LIPJ: variants seen among roughly 807,000 people sequenced by gnomAD.
LIPJ encodes lipase family member J, also known as lipase member J.
Under a neutral mutation model 39.8 loss-of-function variants are expected in LIPJ, and 33 were observed. The observed-to-expected ratio is 0.83, with a 90% CI of 0.63 to 1.11. The LOEUF is 1.11. Among genes scored for constraint, LIPJ ranks in the 50% least tolerant of loss-of-function variants. LIPJ has a pLI of 0.00. For missense variants in LIPJ, 422 were observed against 427.9 expected, an observed-to-expected ratio of 0.99 and a Z score of 0.12; for synonymous variants, 128 against 139.2, an observed-to-expected ratio of 0.92 and a Z score of 0.57.
the LIPJ span, among the ~76,000 whole-genome samples, chr10:88,621,147 C>T: frequency 2.6e-5 from 4 of 152,098 alleles, no homozygotes; most frequent in African/African-American, 4.8e-5. Flanking sequence ...CCATATGATG[C>T]AACAATCATA....
chr10:88,620,723 G>C, the LIPJ span, among the ~76,000 whole-genome samples: 2 of 152,134 alleles, frequency 1.3e-5, no homozygotes, highest in Non-Finnish European at 2.9e-5. Context: ...AAGTTCTTTG[G>C]ATAACTGTTG....
intron 10 of LIPJ, among the ~76,000 whole-genome samples, chr10:88,606,381 A>G (rs752425492): frequency 3.9e-5 from 6 of 152,180 alleles, no homozygotes; most frequent in Admixed American, 6.5e-5. Context: ...AATTTGATTT[A>G]AAATCTTTCA....
At chr10:88,595,716 A>G (rs11202782) in intron 6 of LIPJ, among the ~76,000 whole-genome samples, 39,043 of 151,366 alleles carry the variant, frequency 0.26, 5,139 homozygotes, top group Admixed American at 0.29. Flanking sequence ...AATAAATAAT[A>G]AATAAATAAT....
downstream of LIPJ, among the ~76,000 whole-genome samples, chr10:88,610,494 A>T (rs990548672): frequency 6.6e-6 from 1 of 152,198 alleles, no homozygotes; most frequent in African/African-American, 2.4e-5. Flanking sequence ...TCAAATATTC[A>T]TAGCAATTCT....
downstream of LIPJ, among the ~76,000 whole-genome samples, chr10:88,611,068 G>T (rs1851745340): frequency 6.6e-6 from 1 of 152,156 alleles, no homozygotes; most frequent in Non-Finnish European, 1.5e-5. Flanking sequence ...TGCAAGACCT[G>T]AAGATGGATC....
At chr10:88,611,245 G>A (rs1055671240), downstream of LIPJ, among the ~76,000 whole-genome samples, 1 of 152,130 alleles carries the variant, frequency 6.6e-6, no homozygotes, top group Non-Finnish European at 1.5e-5. Flanking sequence ...GCACCCCATG[G>A]GACAAAGTAA....
At chr10:88,590,260 C>T (rs1006071271) in intron 2 of LIPJ, among the ~76,000 whole-genome samples, 2 of 151,704 alleles carry the variant, frequency 1.3e-5, no homozygotes. Context: ...CATTAATTCA[C>T]ACATCAATTA....
chr10:88,602,238 T>C (rs1476870306), intron 8 of LIPJ, among the ~76,000 whole-genome samples: 1 of 152,182 alleles, frequency 6.6e-6, no homozygotes, highest in Non-Finnish European at 1.5e-5. Flanking sequence ...TCAATTTATT[T>C]TTGTAATTTA....
chr10:88,591,472 G>T, exon 4 of LIPJ: 1 of 1,600,828 alleles, frequency 6.2e-7, no homozygotes, highest in African/African-American at 1.3e-5. Flanking sequence ...ATTCCTTATT[G>T]GAGGACAGAC....
the LIPJ span, among the ~76,000 whole-genome samples, chr10:88,614,141 T>G: frequency 6.6e-6 from 1 of 151,866 alleles, no homozygotes; most frequent in African/African-American, 2.4e-5. Flanking sequence ...AATTGGTTAT[T>G]TGATGATATT....
intron 4 of LIPJ, chr10:88,592,449 T>C (rs1851112382): frequency 6.6e-6 from 1 of 151,824 alleles, no homozygotes; most frequent in African/African-American, 2.4e-5. Flanking sequence ...ATGTGACTGA[T>C]TGATGAAATA....
Position 88,601,892 on chromosome 10 carries a change from A to T in LIPJ, c.724-684A>T, listed in dbSNP as rs113377148. 2.1e-3 allele frequency among the ~76,000 whole-genome samples: 325 copies of T among 152,262 alleles called. 1 individual carries two copies. Among genetic ancestry groups the T allele is most frequent in the African/African-American group, 7.3e-3 (304 of 41,558 alleles). ...GGCCTTTTCTTCTTGTGGAAATAAA[A>T]CTTGCTTGCTTTTTCAAGGCACCTG... On this transcript the variant is annotated intron_variant, in intron 8 of 10. Coordinates refer to ENST00000371939, the Ensembl canonical transcript of LIPJ.
the LIPJ span, among the ~76,000 whole-genome samples, chr10:88,616,701 T>C: frequency 6.6e-6 from 1 of 152,096 alleles, no homozygotes; most frequent in African/African-American, 2.4e-5. Context: ...TGGATGGGTA[T>C]CCCGCAACCC....
At chr10:88,613,606 C>T in the LIPJ span, among the ~76,000 whole-genome samples, 2 of 151,162 alleles carry the variant, frequency 1.3e-5, no homozygotes, top group Non-Finnish European at 3.0e-5. Flanking sequence ...CTCTAAGATT[C>T]CATTTATATG....
intron 4 of LIPJ, chr10:88,592,559 CAGA>C (rs1410723739): frequency 1.3e-5 from 2 of 151,706 alleles, no homozygotes; most frequent in African/African-American, 4.8e-5. Context: ...AAGATGATCT[CAGA>C]GGAGTTCAAG....
chr10:88,618,870 T>C, the LIPJ span: 2,858 of 155,504 alleles, frequency 0.018, 66 homozygotes, highest in South Asian at 0.084. Flanking sequence ...TGAAATTCTT[T>C]TGCTCTTTCT....
At chr10:88,583,732 T>G (rs1040957840), upstream of LIPJ, 1 of 985,616 alleles carries the variant, frequency 1.0e-6, no homozygotes, top group African/African-American at 1.7e-5. Flanking sequence ...ACATTTTTCT[T>G]AGACCTGGGA....
At position 88,596,268 on chromosome 10, in the gene LIPJ, A is replaced by G. The variant is rs1250855399; in HGVS notation, c.440-12A>G. ...AGAATAGCTTACTAATTTATATCTT[A>G]TTTTATTTTAGGTTTCATAACATTT... On this transcript the variant is annotated splice_polypyrimidine_tract_variant and intron_variant, in intron 6 of 10. Coordinates refer to ENST00000371939, the Ensembl canonical transcript of LIPJ. 2.4e-6 allele frequency: 3 copies of G among 1,227,352 alleles called. No individual in the cohort carries two copies. In the East Asian group the frequency reaches 8.5e-5, roughly 35 times the overall value. The allele number at this position is 1,227,352 out of a possible 1,614,324, so 76.0% of individuals were successfully genotyped here.
chr10:88,591,804 A>G (rs17109590), intron 4 of LIPJ: 3,157 of 173,492 alleles, frequency 0.018, 76 homozygotes, highest in South Asian at 0.078. Flanking sequence ...GCTCTGAAAC[A>G]CAATAACATT....
Sources: gnomAD v4.1 joint callset for allele counts (sites outside exome capture counted in the v4.1 genomes callset) on GRCh38, gnomAD v4.1.1 for gene constraint, MANE v1.5 for transcripts, NCBI Gene and HGNC (gene_info 2026-07-23, HGNC 2026-07-21) for gene names.